Variants in LSM3 observed in about 807,000 individuals in gnomAD.
LSM3 encodes LSM3 homolog, U6 small nuclear RNA and mRNA degradation associated.
LSM3 carries 14 observed loss-of-function variants against 15.4 expected under a neutral mutation model. The observed-to-expected ratio is 0.91, with a 90% CI of 0.60 to 1.42. The LOEUF (loss-of-function observed/expected upper bound fraction) is 1.42. Ranked by LOEUF, LSM3 falls within the 40% of genes most tolerant of loss-of-function variation. The pLI is 0.00. For missense variants in LSM3, 88 were observed against 127.9 expected (o/e 0.69, Z 1.50); for synonymous variants, 46 against 45.1 (o/e 1.02, Z -0.08).
At chr3:14,190,773 C>G (rs967681906) in intron 3 of LSM3, among the ~76,000 whole-genome samples, 3 of 152,036 alleles carry the variant, frequency 2.0e-5, no homozygotes, top group Middle Eastern at 3.2e-3. Flanking sequence ...ATTTGAATAC[C>G]CTTTATTGCT....
intron 2 of LSM3, among the ~76,000 whole-genome samples, chr3:14,183,049 A>G (rs1697055040): frequency 6.6e-6 from 1 of 152,232 alleles, no homozygotes; most frequent in Admixed American, 6.5e-5. Context: ...ATTGAGTTTA[A>G]TTACTTAAGT....
rs1697225121 is a variant in LSM3 at position 14,200,511 on chromosome 3, G to A, written c.*2395G>A. 6.6e-6 allele frequency: 1 copy of A among 152,308 alleles called. No individual in the cohort carries two copies. Among genetic ancestry groups the A allele is most frequent in the Admixed American group, 6.5e-5 (1 of 15,284 alleles). 9.4% of individuals were successfully genotyped at this position (152,308 alleles called of 1,614,324 possible). ...TGGTCAGTGGAGCTGGTGACTGGTGGTTTCTGCAATGAGGTGTCAGATTAG... is the reference window on the plus strand; with the variant it reads ...TGGTCAGTGGAGCTGGTGACTGGTGATTTCTGCAATGAGGTGTCAGATTAG... On this transcript the variant is annotated 3_prime_UTR_variant, in exon 4 of 4. Transcript: ENST00000306024.
intron 3 of LSM3, among the ~76,000 whole-genome samples, chr3:14,195,770 C>T (rs1038534401): frequency 5.3e-5 from 8 of 151,966 alleles, no homozygotes; most frequent in South Asian, 4.2e-4. Flanking sequence ...TGGAGCTTGG[C>T]GCAGTTAAGC....
In LSM3 at chr3:14,185,004, C is replaced by T. The variant is rs1697074964; in HGVS notation, c.228+972C>T. On this transcript the variant is annotated intron_variant, in intron 3 of 3. Coordinates refer to ENST00000306024, the MANE Select transcript of LSM3 (RefSeq NM_014463.3). ...TCTTGGAGGCGGAGGTTGCAGTGAG[C>T]TGAGATTGTGCCATTGCCCTCCAGC... 2.6e-5 allele frequency among the ~76,000 whole-genome samples: 4 copies of T among 151,830 alleles called. No individual in the cohort carries two copies. In the South Asian group the frequency reaches 8.3e-4, roughly 31 times the overall value.
Position 14,198,489 on chromosome 3 carries a change from C to G in LSM3, c.*373C>G. ...ATTTAAAGTAAGCATGTCTTACCTTCACTTAGCACACATTTGCAGTGCACC... is the reference window on the plus strand; with the variant it reads ...ATTTAAAGTAAGCATGTCTTACCTTGACTTAGCACACATTTGCAGTGCACC... On this transcript the variant is annotated 3_prime_UTR_variant, in exon 4 of 4. Transcript: ENST00000306024. The G allele has an allele frequency of 4.6e-6, 1 of 215,670 alleles. No homozygotes were observed. The highest frequency in any genetic ancestry group is 9.3e-6 in the Non-Finnish European group (1 of 107,716). The allele number at this position is 215,670 out of a possible 1,614,324, so 13.4% of individuals were successfully genotyped here.
chr3:14,195,971 GAGACGGAGTCTCAC>G (rs1697183703), intron 3 of LSM3, among the ~76,000 whole-genome samples: 1 of 100,016 alleles, frequency 1.0e-5, no homozygotes, highest in African/African-American at 4.1e-5. Flanking sequence ...TTTTTTCTTT[GAGACGGAGTCTCAC>G]TCTGTCACCC....
intron 1 of LSM3, among the ~76,000 whole-genome samples, chr3:14,181,349 A>G (rs1697036642): frequency 6.6e-6 from 1 of 152,234 alleles, no homozygotes; most frequent in African/African-American, 2.4e-5. Flanking sequence ...TATAGCACGT[A>G]TTATGTGAAA....
intron 3 of LSM3, among the ~76,000 whole-genome samples, chr3:14,195,007 C>T (rs945734062): frequency 6.6e-6 from 1 of 151,936 alleles, no homozygotes. Context: ...ACAGGTACCC[C>T]CTAAACATGT....
At chr3:14,186,919 A>T (rs914191551) in intron 3 of LSM3, among the ~76,000 whole-genome samples, 1 of 152,252 alleles carries the variant, frequency 6.6e-6, no homozygotes, top group East Asian at 1.9e-4. Context: ...GTGATAAAAT[A>T]TGGAATATGT....
intron 1 of LSM3, among the ~76,000 whole-genome samples, chr3:14,180,861 A>T (rs1559390258): frequency 4.6e-4 from 52 of 112,334 alleles, no homozygotes; most frequent in African/African-American, 1.7e-3. Context: ...TTTTTTTAAA[A>T]AAAAAAAAGA....
rs2124833284 is a variant in LSM3, at chr3:14,200,598, A to G, written c.*2482A>G. The G allele has an allele frequency of 6.6e-6, 1 of 152,316 alleles. No homozygotes were observed. Among genetic ancestry groups the G allele is most frequent in the Non-Finnish European group, 1.5e-5 (1 of 68,034 alleles). 9.4% of individuals were successfully genotyped at this position (152,316 alleles called of 1,614,324 possible). A position where few individuals can be genotyped will look rare whatever the true frequency, so the allele number is the denominator to read the frequency against. ...ATCCCGGTCTTGGTTGTTTTATGAG[A>G]GGCCGATATGAATTGCCATTGCCTC... On this transcript the variant is annotated 3_prime_UTR_variant, in exon 4 of 4. Coordinates refer to ENST00000306024, the MANE Select transcript of LSM3 (RefSeq NM_014463.3).
At position 14,183,955 on chromosome 3, in the gene LSM3, A is replaced by C; in HGVS notation, c.151A>C (p.Asn51His). 1 of 1,607,306 alleles carries C rather than the reference A, an allele frequency of 6.2e-7. No individual in the cohort carries two copies. Among genetic ancestry groups the C allele is most frequent in the Non-Finnish European group, 8.5e-7 (1 of 1,178,116 alleles). Reference protein sequence around the residue: ...GRLHAYDQHLNMILGDVEETV... With the variant: ...GRLHAYDQHLHMILGDVEETV... ...ACTTTAGGCTTATGATCAACATTTA[A>C]ATATGATCTTGGGAGATGTGGAAGA... The change falls in exon 3 of 4, where the codon AAT (asparagine) becomes CAT (histidine). Residue 51 changes from asparagine (N) to histidine (H), a missense_variant. By Grantham distance (68) the Asn-to-His change is moderately conservative. Coordinates refer to ENST00000306024, the MANE Select transcript of LSM3 (RefSeq NM_014463.3).
chr3:14,200,684 G>T lies in LSM3; in HGVS notation c.*2568G>T, dbSNP rs1292442670. The T allele has an allele frequency of 6.6e-6, 1 of 152,164 alleles. No homozygotes were observed. The highest frequency in any genetic ancestry group is 1.5e-5 in the Non-Finnish European group (1 of 68,026). 9.4% of individuals were successfully genotyped at this position (152,164 alleles called of 1,614,324 possible). A position where few individuals can be genotyped will look rare whatever the true frequency, so the allele number is the denominator to read the frequency against. ...CTTTGAGATGAAATGTGCCCAAAAT[G>T]AAAAGTAACTTGAGTATCCCAAGTT... On this transcript the variant is annotated 3_prime_UTR_variant, in exon 4 of 4. Coordinates refer to ENST00000306024, the MANE Select transcript of LSM3 (RefSeq NM_014463.3).
At chr3:14,185,346 T>C (rs184888276) in intron 3 of LSM3, among the ~76,000 whole-genome samples, 1 of 151,144 alleles carries the variant, frequency 6.6e-6, no homozygotes, top group Non-Finnish European at 1.5e-5. Flanking sequence ...AGTAAGACTC[T>C]GTCTCAAAAC....
At chr3:14,190,133 C>A (rs1697125625) in intron 3 of LSM3, among the ~76,000 whole-genome samples, 1 of 152,236 alleles carries the variant, frequency 6.6e-6, no homozygotes, top group Admixed American at 6.5e-5. Flanking sequence ...TTTCTGAGGC[C>A]TCCATTTTGT....
chr3:14,185,356 CAAAA>C (rs1182462266), intron 3 of LSM3, among the ~76,000 whole-genome samples: 2 of 143,102 alleles, frequency 1.4e-5, no homozygotes, highest in Non-Finnish European at 3.1e-5. Flanking sequence ...TGTCTCAAAA[CAAAA>C]CAAAACAAAA....
intron 3 of LSM3, among the ~76,000 whole-genome samples, chr3:14,185,869 TA>T (rs915935875): frequency 3.3e-5 from 5 of 152,124 alleles, no homozygotes; most frequent in African/African-American, 7.2e-5. Flanking sequence ...CTTCAGTGTT[TA>T]AAAAAAATCA....
chr3:14,192,268 G>A (rs976901779), intron 3 of LSM3, among the ~76,000 whole-genome samples: 18 of 152,206 alleles, frequency 1.2e-4, no homozygotes, highest in African/African-American at 4.3e-4. Flanking sequence ...TTGATTTGGG[G>A]TGGAGAGTTC....
At chr3:14,195,782 AG>A (rs1030090797) in intron 3 of LSM3, among the ~76,000 whole-genome samples, 2 of 152,126 alleles carry the variant, frequency 1.3e-5, no homozygotes, top group Non-Finnish European at 2.9e-5. Context: ...CAGTTAAGCC[AG>A]GGTGGCTCCT....
Sources: gnomAD v4.1 joint callset for allele counts (sites outside exome capture counted in the v4.1 genomes callset) on GRCh38, gnomAD v4.1.1 for gene constraint, MANE v1.5 for transcripts, NCBI Gene and HGNC (gene_info 2026-07-23, HGNC 2026-07-21) for gene names.